SLC44A1: variants seen among roughly 807,000 people sequenced by gnomAD.
SLC44A1 encodes the protein solute carrier family 44 member 1.
In SLC44A1, 26 loss-of-function variants were observed where a neutral mutation model predicts 79.3. That is an observed-to-expected ratio of 0.33 (90% CI 0.24 to 0.46). The LOEUF is 0.46. SLC44A1 is among the 20% of genes least tolerant of loss of function. The probability of loss-of-function intolerance (pLI) is 1.00; values close to 1 mark genes in which losing one functional copy is unlikely to be tolerated. For synonymous variants in SLC44A1, 263 were observed against 286.2 expected (o/e 0.92, Z 0.82); for missense variants, 688 against 798.1 (o/e 0.86, Z 1.66).
intron 15 of SLC44A1, among the ~76,000 whole-genome samples, chr9:105,436,844 C>T (rs1220521368): frequency 2.0e-5 from 3 of 152,128 alleles, no homozygotes; most frequent in South Asian, 2.1e-4. Context: ...TTTCAAGCAA[C>T]GTTATTCTTA....
chr9:105,386,322 A>AT (rs994135418), intron 15 of SLC44A1: 1 of 938,010 alleles, frequency 1.1e-6, no homozygotes. Flanking sequence ...TTAAACACGT[A>AT]TTTTTTTAAA....
chr9:105,431,698 T>C (rs1357062361), intron 15 of SLC44A1, among the ~76,000 whole-genome samples: 1 of 152,198 alleles, frequency 6.6e-6, no homozygotes, highest in Admixed American at 6.5e-5. Context: ...CCAGTCCATA[T>C]AGCTTGGCTA....
At chr9:105,347,184 C>T (rs1307552540) in intron 4 of SLC44A1, among the ~76,000 whole-genome samples, 1 of 152,042 alleles carries the variant, frequency 6.6e-6, no homozygotes, top group Non-Finnish European at 1.5e-5. Context: ...CCATAATTAA[C>T]TCAGTGTTGC....
At chr9:105,249,558 C>T (rs1310032977) in intron 1 of SLC44A1, among the ~76,000 whole-genome samples, 2 of 148,430 alleles carry the variant, frequency 1.3e-5, no homozygotes, top group Middle Eastern at 3.3e-3. Context: ...GAGTTTGGCT[C>T]TCATCGCCCA....
intron 15 of SLC44A1, among the ~76,000 whole-genome samples, chr9:105,417,267 T>TA (rs1745400975): frequency 6.6e-6 from 1 of 152,202 alleles, no homozygotes; most frequent in Non-Finnish European, 1.5e-5. Flanking sequence ...CACATGCTTT[T>TA]AAAATAATAA....
intron 3 of SLC44A1, among the ~76,000 whole-genome samples, chr9:105,317,359 A>G (rs1296746904): frequency 2.0e-5 from 3 of 152,136 alleles, no homozygotes; most frequent in Non-Finnish European, 2.9e-5. Flanking sequence ...TCATTTAGGT[A>G]TAAAGATGCT....
intron 1 of SLC44A1, among the ~76,000 whole-genome samples, chr9:105,298,755 A>G (rs1385485951): frequency 1.3e-5 from 2 of 152,194 alleles, no homozygotes; most frequent in Admixed American, 6.5e-5. Flanking sequence ...ACACAAAGAA[A>G]AAGCTAGCAT....
At chr9:105,418,437 A>C (rs2131513500) in intron 15 of SLC44A1, among the ~76,000 whole-genome samples, 1 of 152,266 alleles carries the variant, frequency 6.6e-6, no homozygotes. Flanking sequence ...CCATTAGATC[A>C]TGCTGTTCAG....
chr9:105,376,524 C>T (rs963150904), intron 13 of SLC44A1, among the ~76,000 whole-genome samples: 1 of 152,132 alleles, frequency 6.6e-6, no homozygotes, highest in Non-Finnish European at 1.5e-5. Context: ...CAGGCATGCA[C>T]CACCATGCCC....
intron 3 of SLC44A1, among the ~76,000 whole-genome samples, chr9:105,334,842 G>C (rs1454438085): frequency 6.6e-6 from 1 of 152,040 alleles, no homozygotes; most frequent in Non-Finnish European, 1.5e-5. Context: ...TTTCAGATTT[G>C]GGGATTATTT....
At chr9:105,293,554 G>C (rs1157455237) in intron 1 of SLC44A1, among the ~76,000 whole-genome samples, 1 of 152,154 alleles carries the variant, frequency 6.6e-6, no homozygotes. Flanking sequence ...CTGCCAGCCT[G>C]GCCTAATTCT....
intron 4 of SLC44A1, among the ~76,000 whole-genome samples, chr9:105,346,125 C>T (rs77157131): frequency 0.024 from 3,697 of 152,116 alleles, 50 homozygotes; most frequent in Middle Eastern, 0.048. Context: ...ATTGAGGCTT[C>T]TCTGTTCATC....
At chr9:105,411,817 T>C (rs1182596336) in intron 15 of SLC44A1, among the ~76,000 whole-genome samples, 1 of 152,218 alleles carries the variant, frequency 6.6e-6, no homozygotes, top group African/African-American at 2.4e-5. Context: ...CAGTGCATCA[T>C]ATCAGGAGGC....
intron 1 of SLC44A1, among the ~76,000 whole-genome samples, chr9:105,288,974 T>C (rs76165652): frequency 0.017 from 2,556 of 152,352 alleles, 76 homozygotes; most frequent in African/African-American, 0.058. Context: ...CCAAAACTTA[T>C]TTAAAATGGG....
intron 15 of SLC44A1, among the ~76,000 whole-genome samples, chr9:105,417,202 G>C (rs577582349): frequency 7.9e-5 from 12 of 152,100 alleles, no homozygotes; most frequent in Non-Finnish European, 1.8e-4. Context: ...ACTGAGCACT[G>C]GTTCCTAGAA....
chr9:105,307,558 C>G (rs1057298441), intron 2 of SLC44A1, among the ~76,000 whole-genome samples: 5 of 151,504 alleles, frequency 3.3e-5, no homozygotes, highest in Admixed American at 3.3e-4. Context: ...GCAGGAGAAT[C>G]GCTTGAACCT....
intron 4 of SLC44A1, among the ~76,000 whole-genome samples, chr9:105,343,904 A>C (rs1000993618): frequency 6.6e-6 from 1 of 152,188 alleles, no homozygotes; most frequent in African/African-American, 2.4e-5. Flanking sequence ...GTGTGCCAAC[A>C]GTGGTTGACA....
intron 15 of SLC44A1, chr9:105,386,755 G>C (rs943932907): frequency 6.0e-5 from 9 of 150,830 alleles, no homozygotes; most frequent in African/African-American, 2.2e-4. Context: ...AGGCATGGTG[G>C]CTCATGTCTG....
At chr9:105,277,329 G>A (rs1830229730) in intron 1 of SLC44A1, among the ~76,000 whole-genome samples, 1 of 152,160 alleles carries the variant, frequency 6.6e-6, no homozygotes, top group African/African-American at 2.4e-5. Context: ...TCAGAAATTT[G>A]CACAACCCTC....
Sources: allele counts gnomAD v4.1 joint callset (sites outside exome capture counted in the v4.1 genomes callset), GRCh38; gene constraint gnomAD v4.1.1; transcripts MANE v1.5; gene names NCBI Gene and HGNC (gene_info 2026-07-23, HGNC 2026-07-21).